DOCK4: variants seen among roughly 807,000 people sequenced by gnomAD.
DOCK4 encodes the protein dedicator of cytokinesis protein 4.
A neutral mutation model predicts 268.1 loss-of-function variants in DOCK4; 97 were observed. The ratio of observed to expected loss-of-function variants is 0.36; its 90% CI spans 0.31 to 0.43. The LOEUF (loss-of-function observed/expected upper bound fraction) is 0.43, where lower values mean the gene tolerates loss of function less well. Among genes scored for constraint, DOCK4 ranks in the 20% least tolerant of loss-of-function variants. DOCK4 has a pLI of 1.00. For missense variants in DOCK4, 2,145 were observed against 2,455.7 expected, an observed-to-expected ratio of 0.87 and a Z score of 2.67; for synonymous variants, 954 against 887.2, an observed-to-expected ratio of 1.08 and a Z score of -1.34.
intron 1 of DOCK4, among the ~76,000 whole-genome samples, chr7:112,192,995 G>C (rs1284971471): frequency 6.6e-6 from 1 of 152,116 alleles, no homozygotes. Flanking sequence ...TCAGGGACCT[G>C]ATATTCAACA....
intron 16 of DOCK4, among the ~76,000 whole-genome samples, chr7:111,878,393 G>A (rs1446196191): frequency 6.6e-6 from 1 of 152,144 alleles, no homozygotes. Context: ...CAAGATGATG[G>A]AATAGAAGCC....
At chr7:112,054,659 A>G (rs796173902) in intron 1 of DOCK4, among the ~76,000 whole-genome samples, 85 of 152,276 alleles carry the variant, frequency 5.6e-4, no homozygotes, top group African/African-American at 1.6e-3. Context: ...GCAATGTTGG[A>G]TTTATTCACC....
At chr7:112,021,753 C>G (rs1802337379) in intron 1 of DOCK4, among the ~76,000 whole-genome samples, 1 of 152,048 alleles carries the variant, frequency 6.6e-6, no homozygotes, top group African/African-American at 2.4e-5. Flanking sequence ...AGAGGGTTCC[C>G]AAACCATTCA....
At chr7:111,862,442 A>C (rs1482944723) in intron 23 of DOCK4, among the ~76,000 whole-genome samples, 2 of 151,602 alleles carry the variant, frequency 1.3e-5, no homozygotes, top group Non-Finnish European at 2.9e-5. Context: ...CTATTTCAAA[A>C]AAATCATACA....
intron 8 of DOCK4, among the ~76,000 whole-genome samples, chr7:111,962,551 G>A (rs1416914911): frequency 1.3e-5 from 2 of 151,974 alleles, no homozygotes; most frequent in Non-Finnish European, 2.9e-5. Context: ...ATTACCGTGC[G>A]GTACACAAGA....
intron 43 of DOCK4, among the ~76,000 whole-genome samples, chr7:111,746,666 G>C (rs1163974496): frequency 6.6e-6 from 1 of 152,150 alleles, no homozygotes; most frequent in Non-Finnish European, 1.5e-5. Context: ...AAATCAGTAA[G>C]CTATATGGCT....
At chr7:111,961,043 CG>C (rs1172037694) in intron 8 of DOCK4, among the ~76,000 whole-genome samples, 3 of 152,062 alleles carry the variant, frequency 2.0e-5, no homozygotes, top group Non-Finnish European at 4.4e-5. Context: ...GATGCATGCA[CG>C]GGGGTTGGAT....
chr7:111,971,743 G>A, intron 8 of DOCK4: 1 of 309,356 alleles, frequency 3.2e-6, no homozygotes, highest in Non-Finnish European at 5.8e-6. Context: ...TAGCTGTTTG[G>A]TGGTCCAAGG....
At chr7:111,947,461 A>G (rs932839772) in intron 8 of DOCK4, among the ~76,000 whole-genome samples, 1 of 151,490 alleles carries the variant, frequency 6.6e-6, no homozygotes, top group Non-Finnish European at 1.5e-5. Flanking sequence ...TTTCACTCTT[A>G]TTACCTATAT....
At chr7:111,762,328 T>C (rs989775036) in intron 39 of DOCK4, among the ~76,000 whole-genome samples, 1 of 152,220 alleles carries the variant, frequency 6.6e-6, no homozygotes, top group African/African-American at 2.4e-5. Flanking sequence ...CAGAATCTTT[T>C]CATCATGTCA....
intron 30 of DOCK4, among the ~76,000 whole-genome samples, chr7:111,799,064 T>A (rs1228462439): frequency 6.6e-6 from 1 of 152,164 alleles, no homozygotes; most frequent in Non-Finnish European, 1.5e-5. Context: ...CCTCAAGGCA[T>A]CAACATGCTT....
chr7:112,048,946 A>G (rs1283786847), intron 1 of DOCK4, among the ~76,000 whole-genome samples: 1 of 152,010 alleles, frequency 6.6e-6, no homozygotes, highest in East Asian at 1.9e-4. Flanking sequence ...ACCTCCCCCA[A>G]AATATCTTTC....
intron 16 of DOCK4, among the ~76,000 whole-genome samples, chr7:111,885,295 C>G (rs1350643984): frequency 6.6e-6 from 1 of 152,188 alleles, no homozygotes; most frequent in Admixed American, 6.5e-5. Context: ...CAGCTATACT[C>G]CTAACCTGGA....
At position 111,822,354 on chromosome 7, in the gene DOCK4, TG is replaced by T; in HGVS notation, c.2930+7del. 4.4e-6 allele frequency: 7 copies of T among 1,607,976 alleles called. No individual in the cohort carries two copies. The highest frequency in any genetic ancestry group is 6.0e-6 in the Non-Finnish European group (7 of 1,175,544). ...GAGCTGCAATTATCATCAACTTAAA[TG>T]TCTTACTTGTTAGCAACCAAGCGCA... On this transcript the variant is annotated splice_region_variant and intron_variant, in intron 27 of 52. Transcript: ENST00000428084.
intron 1 of DOCK4, among the ~76,000 whole-genome samples, chr7:112,020,127 A>C (rs1802189009): frequency 6.6e-6 from 1 of 152,242 alleles, no homozygotes; most frequent in Non-Finnish European, 1.5e-5. Flanking sequence ...CTGAGTTCTG[A>C]CACAATAAGC....
intron 1 of DOCK4, among the ~76,000 whole-genome samples, chr7:112,101,825 G>A (rs1172485355): frequency 1.4e-5 from 2 of 145,628 alleles, no homozygotes; most frequent in Non-Finnish European, 3.0e-5. Context: ...AAGGTTCTGA[G>A]ACCTTTTCTT....
chr7:112,188,539 G>A (rs1819651355), intron 1 of DOCK4, among the ~76,000 whole-genome samples: 1 of 152,182 alleles, frequency 6.6e-6, no homozygotes, highest in East Asian at 1.9e-4. Flanking sequence ...CAGATATGAA[G>A]AGCTTTATTA....
At chr7:111,864,071 C>A (rs561824394) in intron 22 of DOCK4, among the ~76,000 whole-genome samples, 2 of 152,276 alleles carry the variant, frequency 1.3e-5, no homozygotes, top group East Asian at 3.9e-4. Flanking sequence ...AGCTTTGCTT[C>A]CAATAACTCT....
intron 17 of DOCK4, among the ~76,000 whole-genome samples, chr7:111,876,747 C>CA (rs1806918232): frequency 7.9e-6 from 1 of 126,040 alleles, no homozygotes; most frequent in Non-Finnish European, 1.7e-5. Context: ...TTGGTATTTT[C>CA]GTTTTTTTTT....
Sources: gnomAD v4.1 joint callset for allele counts (sites outside exome capture counted in the v4.1 genomes callset) on GRCh38, gnomAD v4.1.1 for gene constraint, MANE v1.5 for transcripts, NCBI Gene and HGNC (gene_info 2026-07-23, HGNC 2026-07-21) for gene names.